AGAP1: variants seen among roughly 807,000 people sequenced by gnomAD.
The protein encoded by AGAP1 is arf-GAP with GTPase, ANK repeat and PH domain-containing protein 1.
In AGAP1, 29 loss-of-function variants were observed where a neutral mutation model predicts 105.3. The observed-to-expected ratio is 0.28, with a 90% CI of 0.21 to 0.38. The LOEUF is 0.38. Among genes scored for constraint, AGAP1 ranks in the 10% least tolerant of loss-of-function variants. The probability of loss-of-function intolerance (pLI) is 1.00; values close to 1 mark genes in which losing one functional copy is unlikely to be tolerated. For missense variants in AGAP1, 998 were observed against 1,165.1 expected, an observed-to-expected ratio of 0.86 and a Z score of 2.09; for synonymous variants, 509 against 485.9, an observed-to-expected ratio of 1.05 and a Z score of -0.63.
In AGAP1 at chr2:235,964,965, G is replaced by C. The variant is rs1317747643; in HGVS notation, c.1484-3497G>C. ...AGGTCCCAGGCTGCTCAAGGCAAGG[G>C]AAGTGTCTTATTTAAACCTGCCCGC... On this transcript the variant is annotated intron_variant, in intron 12 of 17. Coordinates refer to ENST00000304032, the MANE Select transcript of AGAP1 (RefSeq NM_001037131.3). This position sits in a 1 kb window ranked among gnomAD's most constrained non-coding sequence, Gnocchi z 4.6. Among the ~76,000 whole-genome samples the C allele has an allele frequency of 3.3e-5, 5 of 152,260 alleles. No homozygotes were observed. Among genetic ancestry groups the C allele is most frequent in the Admixed American group, 2.0e-4 (3 of 15,294 alleles).
At chr2:235,565,853 TTTACCATGTTGCCCA>T (rs1280454872) in intron 1 of AGAP1, among the ~76,000 whole-genome samples, 1 of 151,838 alleles carries the variant, frequency 6.6e-6, no homozygotes, top group Non-Finnish European at 1.5e-5. Context: ...GAGACAGGGT[TTTACCATGTTGCCCA>T]GGCTGGTGGG....
At chr2:235,528,235 G>C (rs1305138797) in intron 1 of AGAP1, among the ~76,000 whole-genome samples, 2 of 150,436 alleles carry the variant, frequency 1.3e-5, no homozygotes, top group African/African-American at 4.9e-5. Flanking sequence ...CTTTGCATCT[G>C]AGGGGGAACC....
chr2:235,671,391 C>G (rs1948417114), intron 1 of AGAP1, among the ~76,000 whole-genome samples: 1 of 152,158 alleles, frequency 6.6e-6, no homozygotes, highest in African/African-American at 2.4e-5. Flanking sequence ...GCTGGCTGCC[C>G]GCGACACCTG....
At chr2:235,910,274 C>T (rs2051533768) in intron 11 of AGAP1, among the ~76,000 whole-genome samples, 2 of 152,304 alleles carry the variant, frequency 1.3e-5, no homozygotes, top group Admixed American at 6.5e-5. Context: ...TCTTGCCTGG[C>T]CTGCCTGTGT....
chr2:235,895,907 G>A (rs1158736952), intron 10 of AGAP1, among the ~76,000 whole-genome samples: 2 of 152,134 alleles, frequency 1.3e-5, no homozygotes, highest in Non-Finnish European at 2.9e-5. Context: ...CTTAAAGAAG[G>A]ATCTTGATGG....
At chr2:235,917,488 C>CCCTCTCTT (rs1198732262) in intron 11 of AGAP1, among the ~76,000 whole-genome samples, 1 of 152,158 alleles carries the variant, frequency 6.6e-6, no homozygotes. Context: ...CTCCCTCTCT[C>CCCTCTCTT]CCTCTCTTTT....
At chr2:235,996,982 A>C (rs781449228) in intron 13 of AGAP1, among the ~76,000 whole-genome samples, 6 of 152,246 alleles carry the variant, frequency 3.9e-5, no homozygotes, top group Non-Finnish European at 2.9e-5. Context: ...TGTATCATTG[A>C]GACCTATTTA....
chr2:236,016,883 G>A (rs2056722798), intron 13 of AGAP1, among the ~76,000 whole-genome samples: 2 of 152,072 alleles, frequency 1.3e-5, no homozygotes, highest in African/African-American at 2.4e-5. Flanking sequence ...GGTGTTCAAG[G>A]TCATGTATGA....
intron 1 of AGAP1, among the ~76,000 whole-genome samples, chr2:235,583,323 A>G (rs1241479137): frequency 6.8e-6 from 1 of 147,762 alleles, no homozygotes. Flanking sequence ...CCTCTCATGT[A>G]ACTCTGGGGT....
At chr2:235,811,606 A>G (rs1002911243) in intron 9 of AGAP1, among the ~76,000 whole-genome samples, 3 of 152,240 alleles carry the variant, frequency 2.0e-5, no homozygotes, top group Admixed American at 6.5e-5. Context: ...TGGTTGGACC[A>G]TCAGGGGATT....
Position 235,701,310 on chromosome 2 carries a change from CGTT to C in AGAP1, c.164-7863_164-7861del, listed in dbSNP as rs1414027510. Among the ~76,000 whole-genome samples, 17 of 152,090 alleles carry C rather than the reference CGTT, an allele frequency of 1.1e-4. No homozygotes were observed. In the East Asian group the frequency reaches 3.1e-3, roughly 28 times the overall value. ...GAGAGAGGACCCAGTCAAATGCTGA[CGTT>C]GTTGTGACAGATTCTAAGTCGCCTC... On this transcript the variant is annotated intron_variant, in intron 1 of 17. Coordinates refer to ENST00000304032, the MANE Select transcript of AGAP1 (RefSeq NM_001037131.3). The surrounding 1 kb of genome is among the most constrained non-coding windows in gnomAD (Gnocchi z 4.1).
chr2:235,736,081 G>A lies in AGAP1; in HGVS notation c.311-4882G>A, dbSNP rs961806581. On this transcript the variant is annotated intron_variant, in intron 3 of 17. Transcript: ENST00000304032. This position sits in a 1 kb window ranked among gnomAD's most constrained non-coding sequence, Gnocchi z 5.5. ...CCTGGGGAAGCACAGATTTCAGTGA[G>A]ACTGGGACTCTGTTTTCCCCTCTCA... Among the ~76,000 whole-genome samples the A allele has an allele frequency of 2.0e-5, 3 of 151,656 alleles. No homozygotes were observed. The highest frequency in any genetic ancestry group is 2.0e-4 in the Admixed American group (3 of 15,216).
intron 1 of AGAP1, among the ~76,000 whole-genome samples, chr2:235,503,827 C>G (rs1363328731): frequency 6.6e-6 from 1 of 152,158 alleles, no homozygotes; most frequent in Non-Finnish European, 1.5e-5. Context: ...ACATTCTGGA[C>G]TCAAGCAATC....
rs1280043684 is a variant in AGAP1 at position 236,124,104 on chromosome 2, G to T, written c.2556G>T (p.Arg852Ser). ...RNNNRNNSSG[R>S]VPTII Reference sequence around the variant, plus strand: ...ATAACCGGAACAACAGCAGTGGGAGGGTGCCCACCATCATCTGAGGAACAG... The same window carrying T: ...ATAACCGGAACAACAGCAGTGGGAGTGTGCCCACCATCATCTGAGGAACAG... The change falls in exon 18 of 18, where the codon AGG becomes AGT. Residue 852 changes from arginine (R) to serine (S), a missense_variant. Around this residue, in one of 3 missense-constraint regions of AGAP1, gnomAD observed 235 missense variants for 270.7 expected, o/e 0.87. Coordinates refer to ENST00000304032, the MANE Select transcript of AGAP1 (RefSeq NM_001037131.3). The surrounding 1 kb of genome is among the most constrained non-coding windows in gnomAD (Gnocchi z 5.1). The T allele has an allele frequency of 6.2e-7, 1 of 1,614,020 alleles. No individual in the cohort carries two copies. The highest frequency in any genetic ancestry group is 8.5e-7 in the Non-Finnish European group (1 of 1,179,946).
intron 1 of AGAP1, among the ~76,000 whole-genome samples, chr2:235,563,300 T>C (rs530071022): frequency 1.3e-5 from 2 of 152,164 alleles, no homozygotes; most frequent in South Asian, 4.1e-4. Context: ...CTGTGTCTGG[T>C]CCTTTTATCA....
At chr2:235,661,989 G>A (rs1180388728) in intron 1 of AGAP1, among the ~76,000 whole-genome samples, 1 of 152,196 alleles carries the variant, frequency 6.6e-6, no homozygotes, top group African/African-American at 2.4e-5. Context: ...GCAGGGAAAG[G>A]GCTTTTGGAG....
Position 236,082,122 on chromosome 2 carries a change from C to T in AGAP1, c.2114+32841C>T, listed in dbSNP as rs1022246746. Among the ~76,000 whole-genome samples, 6 of 152,192 alleles carry T rather than the reference C, an allele frequency of 3.9e-5. No individual in the cohort carries two copies. Among genetic ancestry groups the T allele is most frequent in the African/African-American group, 1.4e-4 (6 of 41,452 alleles). On this transcript the variant is annotated intron_variant, in intron 16 of 17. Coordinates refer to ENST00000304032, the MANE Select transcript of AGAP1 (RefSeq NM_001037131.3). The surrounding 1 kb of genome is among the most constrained non-coding windows in gnomAD (Gnocchi z 4.2). ...TTCCTCTGGTGCCCTTTTCTTTCCCCCGATCACATTTGCTAGATGTCCATT... is the reference window on the plus strand; with the variant it reads ...TTCCTCTGGTGCCCTTTTCTTTCCCTCGATCACATTTGCTAGATGTCCATT...
chr2:236,107,915 C>T (rs2059540818), intron 16 of AGAP1, among the ~76,000 whole-genome samples: 1 of 152,200 alleles, frequency 6.6e-6, no homozygotes, highest in African/African-American at 2.4e-5. Context: ...TCTTCTGTTC[C>T]TCTGCGCTCA....
Position 235,970,430 on chromosome 2 carries a change from C to T in AGAP1, c.1645+1807C>T, listed in dbSNP as rs957441564. 3.3e-5 allele frequency among the ~76,000 whole-genome samples: 5 copies of T among 152,134 alleles called. No homozygotes were observed. Among genetic ancestry groups the T allele is most frequent in the African/African-American group, 9.7e-5 (4 of 41,432 alleles). On this transcript the variant is annotated intron_variant, in intron 13 of 17. Coordinates refer to ENST00000304032, the MANE Select transcript of AGAP1 (RefSeq NM_001037131.3). This position sits in a 1 kb window ranked among gnomAD's most constrained non-coding sequence, Gnocchi z 5.4. Reference sequence around the variant, plus strand: ...TCACCCTGCCAAGCACGTGCAGCCACCCCTCCCTGATTGGGAAGAAGGTTA... The same window carrying T: ...TCACCCTGCCAAGCACGTGCAGCCATCCCTCCCTGATTGGGAAGAAGGTTA...
Sources: gnomAD v4.1 joint callset for allele counts (sites outside exome capture counted in the v4.1 genomes callset) on GRCh38, gnomAD v4.1.1 for gene constraint, gnomAD v4.1.1 regional missense constraint, Gnocchi (gnomAD v3.1) non-coding constraint, MANE v1.5 for transcripts, NCBI Gene and HGNC (gene_info 2026-07-23, HGNC 2026-07-21) for gene names.